Variants in PCDH7 observed in about 807,000 individuals in gnomAD.
PCDH7 encodes protocadherin 7, also known as protocadherin-7.
PCDH7 carries 17 observed loss-of-function variants against 58.9 expected under a neutral mutation model. The observed-to-expected ratio is 0.29, with a 90% CI of 0.20 to 0.43. The LOEUF (loss-of-function observed/expected upper bound fraction) is 0.43. Ranked by LOEUF, PCDH7 falls within the 20% of genes least tolerant of loss-of-function variation. The probability of loss-of-function intolerance (pLI) is 1.00; values close to 1 mark genes in which losing one functional copy is unlikely to be tolerated. For synonymous variants in PCDH7, 664 were observed against 616.4 expected (o/e 1.08, Z -1.14); for missense variants, 1,274 against 1,441.0 (o/e 0.88, Z 1.88).
chr4:30,902,008 A>C (rs1740282777), intron 1 of PCDH7, among the ~76,000 whole-genome samples: 1 of 152,298 alleles, frequency 6.6e-6, no homozygotes. Flanking sequence ...AACTGTGGGC[A>C]AGTTTCCTCC....
intron 1 of PCDH7, among the ~76,000 whole-genome samples, chr4:30,917,029 A>G (rs1742564720): frequency 6.6e-6 from 1 of 152,176 alleles, no homozygotes; most frequent in Non-Finnish European, 1.5e-5. Context: ...ACAGTTACAT[A>G]TATAATGCAA....
chr4:30,940,492 C>A (rs1745897149), intron 2 of PCDH7, among the ~76,000 whole-genome samples: 1 of 151,850 alleles, frequency 6.6e-6, no homozygotes, highest in South Asian at 2.1e-4. Flanking sequence ...TAGCATAGTA[C>A]AAAAATATTT....
intron 3 of PCDH7, among the ~76,000 whole-genome samples, chr4:31,082,969 G>A (rs1336555624): frequency 2.0e-5 from 3 of 152,082 alleles, no homozygotes; most frequent in East Asian, 1.9e-4. Context: ...TTAGCTGGGT[G>A]TGGTGGTGGG....
At chr4:30,765,243 A>G (rs971457470) in intron 1 of PCDH7, among the ~76,000 whole-genome samples, 3 of 148,130 alleles carry the variant, frequency 2.0e-5, no homozygotes, top group African/African-American at 7.4e-5. Context: ...AAGTTATGAT[A>G]TAAGATAACT....
chr4:31,057,701 A>G (rs1757364106), intron 3 of PCDH7, among the ~76,000 whole-genome samples: 1 of 152,104 alleles, frequency 6.6e-6, no homozygotes, highest in Admixed American at 6.6e-5. Flanking sequence ...GTTTAGAAAA[A>G]TTTATTGCTC....
At chr4:30,960,954 T>C (rs939365323) in intron 3 of PCDH7, among the ~76,000 whole-genome samples, 1 of 152,196 alleles carries the variant, frequency 6.6e-6, no homozygotes, top group Non-Finnish European at 1.5e-5. Flanking sequence ...ATGTAAAACA[T>C]TGGAGTTGAT....
chr4:31,011,459 C>G (rs548956290), intron 3 of PCDH7, among the ~76,000 whole-genome samples: 2 of 152,064 alleles, frequency 1.3e-5, no homozygotes, highest in South Asian at 4.1e-4. Context: ...ATAATGGATA[C>G]TTGTAATAGA....
At chr4:31,025,289 C>T (rs1467456358) in intron 3 of PCDH7, among the ~76,000 whole-genome samples, 2 of 152,144 alleles carry the variant, frequency 1.3e-5, no homozygotes, top group Non-Finnish European at 2.9e-5. Flanking sequence ...ATAGCATCTG[C>T]CCTTTCATTT....
intron 1 of PCDH7, among the ~76,000 whole-genome samples, chr4:30,832,993 C>T (rs1729994008): frequency 6.6e-6 from 1 of 152,062 alleles, no homozygotes; most frequent in African/African-American, 2.4e-5. Flanking sequence ...GTTTGGAATC[C>T]AGTGTTAAAG....
At chr4:30,967,824 T>A (rs1186999721) in intron 3 of PCDH7, among the ~76,000 whole-genome samples, 1 of 152,092 alleles carries the variant, frequency 6.6e-6, no homozygotes, top group Non-Finnish European at 1.5e-5. Context: ...ACACCCCCAA[T>A]TAAGACAAAT....
At chr4:31,125,536 T>G (rs1013295224) in intron 3 of PCDH7, among the ~76,000 whole-genome samples, 1 of 152,236 alleles carries the variant, frequency 6.6e-6, no homozygotes, top group African/African-American at 2.4e-5. Flanking sequence ...TTTTGGACTT[T>G]ATGATAGTGT....
intron 3 of PCDH7, among the ~76,000 whole-genome samples, chr4:31,023,738 G>A (rs1754209525): frequency 6.6e-6 from 1 of 152,002 alleles, no homozygotes; most frequent in Non-Finnish European, 1.5e-5. Flanking sequence ...TAGAATTACA[G>A]AAGAATGATT....
intron 3 of PCDH7, among the ~76,000 whole-genome samples, chr4:31,042,864 A>T (rs909981534): frequency 3.3e-5 from 5 of 152,130 alleles, no homozygotes; most frequent in African/African-American, 1.2e-4. Flanking sequence ...GAAAAGAAAC[A>T]TATTTATTAT....
chr4:31,088,044 A>G (rs2109280023), intron 3 of PCDH7, among the ~76,000 whole-genome samples: 1 of 152,202 alleles, frequency 6.6e-6, no homozygotes, highest in South Asian at 2.1e-4. Context: ...TGTAATGCCA[A>G]AAATCACTCA....
At chr4:30,810,602 C>A (rs955046642) in intron 1 of PCDH7, among the ~76,000 whole-genome samples, 1 of 149,070 alleles carries the variant, frequency 6.7e-6, no homozygotes, top group Non-Finnish European at 1.5e-5. Context: ...TTTTAAAAAA[C>A]GTCTTCTCAT....
intron 1 of PCDH7, among the ~76,000 whole-genome samples, chr4:30,913,530 C>T (rs1314059371): frequency 6.6e-6 from 1 of 151,994 alleles, no homozygotes; most frequent in Non-Finnish European, 1.5e-5. Context: ...AAAAAAGGTA[C>T]AGTTTTTGAG....
At chr4:30,904,405 A>G (rs888786030) in intron 1 of PCDH7, among the ~76,000 whole-genome samples, 1 of 152,050 alleles carries the variant, frequency 6.6e-6, no homozygotes, top group Non-Finnish European at 1.5e-5. Context: ...GCATCCCCTG[A>G]CCTTCTTTTC....
downstream of PCDH7, among the ~76,000 whole-genome samples, chr4:30,736,697 G>T (rs1443252404): frequency 1.3e-5 from 2 of 151,668 alleles, no homozygotes; most frequent in Admixed American, 6.6e-5. Context: ...CATTGCTCCC[G>T]GCTAATTTTT....
chr4:31,030,345 G>A (rs1380097451), intron 3 of PCDH7, among the ~76,000 whole-genome samples: 3 of 152,092 alleles, frequency 2.0e-5, no homozygotes. Context: ...AAATAATGGA[G>A]AAAGACATGT....
Sources: allele counts gnomAD v4.1 joint callset (sites outside exome capture counted in the v4.1 genomes callset), GRCh38; gene constraint gnomAD v4.1.1; transcripts MANE v1.5; gene names NCBI Gene and HGNC (gene_info 2026-07-23, HGNC 2026-07-21).